The following NFYC variants were observed in gnomAD, a reference collection of about 807,000 sequenced individuals.
NFYC encodes the protein nuclear transcription factor Y subunit gamma.
NFYC carries 25 observed loss-of-function variants against 53.1 expected under a neutral mutation model. The observed-to-expected ratio is 0.47, with a 90% confidence interval of 0.34 to 0.66. The LOEUF (loss-of-function observed/expected upper bound fraction) is 0.66, where lower values mean the gene tolerates loss of function less well. NFYC is among the 30% of genes least tolerant of loss of function. NFYC has a pLI of 0.01. For synonymous variants in NFYC, 145 were observed against 152.6 expected (o/e 0.95, Z 0.37); for missense variants, 260 against 422.7 (o/e 0.62, Z 3.38).
chr1:40,741,068 CTG>C (rs1199697690), intron 2 of NFYC, among the ~76,000 whole-genome samples: 2 of 152,054 alleles, frequency 1.3e-5, no homozygotes, highest in Admixed American at 6.5e-5. Context: ...AGTACTGAAA[CTG>C]TGCACTCAAT....
In NFYC at chr1:40,749,694, T is replaced by G; in HGVS notation, c.291+8T>G. ...AAGCGCCGGACTCTACAGGTATTATTGCAGACTTAGATTAGGAAAACTGGG... is the reference window on the plus strand; with the variant it reads ...AAGCGCCGGACTCTACAGGTATTATGGCAGACTTAGATTAGGAAAACTGGG... On this transcript the variant is annotated splice_region_variant and intron_variant, in intron 4 of 9. Transcript: ENST00000447388. The G allele has an allele frequency of 6.2e-7, 1 of 1,611,096 alleles. No homozygotes were observed. Among genetic ancestry groups the G allele is most frequent in the Non-Finnish European group, 8.5e-7 (1 of 1,177,232 alleles).
chr1:40,750,769 A>G (rs575741729), intron 4 of NFYC, among the ~76,000 whole-genome samples: 4 of 152,364 alleles, frequency 2.6e-5, no homozygotes, highest in African/African-American at 7.2e-5. Context: ...TCAGAAAAAA[A>G]GATAAACAAA....
At chr1:40,694,938 T>C (rs1643042698) in intron 1 of NFYC, among the ~76,000 whole-genome samples, 1 of 152,202 alleles carries the variant, frequency 6.6e-6, no homozygotes, top group Non-Finnish European at 1.5e-5. Context: ...CATTTATACT[T>C]ACACATTTTT....
chr1:40,756,304 A>G (rs989615623), intron 5 of NFYC, among the ~76,000 whole-genome samples: 2 of 152,212 alleles, frequency 1.3e-5, no homozygotes, highest in Admixed American at 1.3e-4. Flanking sequence ...ATTGTTGTGG[A>G]AATTGAGACC....
At chr1:40,706,480 G>A (rs530696564) in intron 1 of NFYC, among the ~76,000 whole-genome samples, 1 of 152,088 alleles carries the variant, frequency 6.6e-6, no homozygotes, top group Admixed American at 6.5e-5. Flanking sequence ...TGTCAAGGAT[G>A]AGTTCTCATG....
chr1:40,698,591 C>G (rs1309927915), intron 1 of NFYC, among the ~76,000 whole-genome samples: 1 of 151,360 alleles, frequency 6.6e-6, no homozygotes, highest in African/African-American at 2.4e-5. Flanking sequence ...CCACACCTGG[C>G]TAATTTTTGT....
intron 2 of NFYC, among the ~76,000 whole-genome samples, chr1:40,743,788 G>A (rs1236973093): frequency 7.9e-5 from 12 of 152,226 alleles, no homozygotes. Flanking sequence ...TGAACCACGT[G>A]AGGGAGGATC....
chr1:40,730,284 G>T (rs1316835678), intron 1 of NFYC, among the ~76,000 whole-genome samples: 1 of 145,614 alleles, frequency 6.9e-6, no homozygotes, highest in African/African-American at 2.6e-5. Context: ...CATGCAGTCA[G>T]CCCTCCTTGG....
Position 40,716,338 on chromosome 1 carries a change from A to G in NFYC, c.-8-22498A>G, listed in dbSNP as rs1557766891. ...GACTCAGGGAGGTAGGGACAAGGGC[A>G]TTCCAGACATTGGGAGCAACAAGCA... On this transcript the variant is annotated intron_variant, in intron 1 of 9. Transcript: ENST00000447388. Among the ~76,000 whole-genome samples, 13 of 152,314 alleles carry G rather than the reference A, an allele frequency of 8.5e-5. No homozygotes were observed. The South Asian group carries it at 2.7e-3, about 32-fold the overall frequency.
At chr1:40,752,502 G>A (rs757591752) in intron 4 of NFYC, among the ~76,000 whole-genome samples, 54 of 152,162 alleles carry the variant, frequency 3.5e-4, no homozygotes, top group Non-Finnish European at 7.1e-4. Context: ...AGTATCATTA[G>A]CCTTCTGACT....
intron 2 of NFYC, among the ~76,000 whole-genome samples, chr1:40,740,923 A>AT (rs111415840): frequency 0.01 from 1,411 of 140,770 alleles, 11 homozygotes; most frequent in African/African-American, 0.023. Context: ...TTGGACTTTG[A>AT]TTTTTTTTTT....
At chr1:40,709,456 T>C (rs1643868647) in intron 1 of NFYC, 1 of 152,218 alleles carries the variant, frequency 6.6e-6, no homozygotes, top group Non-Finnish European at 1.5e-5. Context: ...GGAGGACAGC[T>C]GTTCGGGTTT....
intron 1 of NFYC, among the ~76,000 whole-genome samples, chr1:40,702,159 C>G (rs1643467420): frequency 6.6e-6 from 1 of 152,110 alleles, no homozygotes; most frequent in Non-Finnish European, 1.5e-5. Flanking sequence ...GAGAATATAA[C>G]TTATTTTCAA....
chr1:40,769,141 C>T (rs957294694), intron 8 of NFYC: 10 of 554,240 alleles, frequency 1.8e-5, no homozygotes, highest in South Asian at 5.9e-5. Context: ...ATTATGTGCT[C>T]CAGGATTCTC....
rs1557959200 is a variant in NFYC, at chr1:40,771,100, A to G, written c.*272A>G. On this transcript the variant is annotated 3_prime_UTR_variant, in exon 10 of 10. Transcript: ENST00000447388. ...TCCAATGCTATGAAATTAAAATATT[A>G]AATAACATATTTATGGCATTTTCTT... The G allele has an allele frequency of 7.9e-6, 4 of 504,958 alleles. No individual in the cohort carries two copies. The highest frequency in any genetic ancestry group is 7.0e-6 in the Non-Finnish European group (2 of 285,092). 31.3% of individuals were successfully genotyped at this position (504,958 alleles called of 1,614,324 possible).
intron 2 of NFYC, among the ~76,000 whole-genome samples, chr1:40,744,406 C>T (rs947064554): frequency 5.3e-5 from 8 of 152,180 alleles, no homozygotes; most frequent in African/African-American, 1.9e-4. Context: ...GATTGAGAAT[C>T]ATTGATTTCA....
At chr1:40,747,439 G>T in intron 2 of NFYC, 95 bp from the exon 3 acceptor site, 1 of 803,846 alleles carries the variant, frequency 1.2e-6, no homozygotes. Flanking sequence ...TTCCTGAAGA[G>T]AGGGACCAAG....
chr1:40,747,423 A>G (rs1207092100), intron 2 of NFYC, 111 bp from the exon 3 acceptor site: 8 of 694,610 alleles, frequency 1.2e-5, no homozygotes, highest in African/African-American at 3.6e-5. Context: ...CTCTCCCGAC[A>G]TACGCTTCCT....
intron 1 of NFYC, among the ~76,000 whole-genome samples, chr1:40,701,349 A>G (rs12402566): frequency 1.3e-5 from 2 of 152,010 alleles, no homozygotes; most frequent in Non-Finnish European, 2.9e-5. Context: ...TCCTGACTTC[A>G]GTTGGCCTCC....
Sources: gnomAD v4.1 joint callset for allele counts (sites outside exome capture counted in the v4.1 genomes callset) on GRCh38, gnomAD v4.1.1 for gene constraint, MANE v1.5 for transcripts, NCBI Gene and HGNC (gene_info 2026-07-23, HGNC 2026-07-21) for gene names.